NKTR: variants seen among roughly 807,000 people sequenced by gnomAD.
NKTR encodes natural killer cell triggering receptor.
Under a neutral mutation model 156.3 loss-of-function variants are expected in NKTR, and 67 were observed. The ratio of observed to expected loss-of-function variants is 0.43; its 90% CI spans 0.35 to 0.53. The LOEUF (loss-of-function observed/expected upper bound fraction) is 0.53, where lower values mean the gene tolerates loss of function less well. Ranked by LOEUF, NKTR falls within the 20% of genes least tolerant of loss-of-function variation. NKTR has a pLI of 0.01. For missense variants in NKTR, 1,604 were observed against 1,730.9 expected, an observed-to-expected ratio of 0.93 and a Z score of 1.30; for synonymous variants, 640 against 596.6, an observed-to-expected ratio of 1.07 and a Z score of -1.06.
At chr3:42,628,152 T>C (rs752907394) in intron 6 of NKTR, 8 of 984,848 alleles carry the variant, frequency 8.1e-6, no homozygotes, top group Non-Finnish European at 9.6e-6. Flanking sequence ...ATATGTAATC[T>C]AATCCAATTA....
intron 3 of NKTR, 25 bp downstream of exon 3, chr3:42,617,669 A>C: frequency 7.6e-7 from 1 of 1,310,512 alleles, no homozygotes. Context: ...ATTTCCAATG[A>C]GAAGCTGTGG....
At chr3:42,616,341 AT>A (rs1232945177) in intron 2 of NKTR, among the ~76,000 whole-genome samples, 2 of 152,228 alleles carry the variant, frequency 1.3e-5, no homozygotes, top group African/African-American at 2.4e-5. Flanking sequence ...TTCTTATTTT[AT>A]TGATACGCTT....
intron 2 of NKTR, among the ~76,000 whole-genome samples, chr3:42,615,426 C>T (rs1707262898): frequency 6.6e-6 from 1 of 151,268 alleles, no homozygotes; most frequent in Admixed American, 6.6e-5. Flanking sequence ...CTATCCCTCT[C>T]CGAATATTGG....
At chr3:42,633,877 A>T in intron 10 of NKTR, 142 bp downstream of exon 10, 1 of 869,900 alleles carries the variant, frequency 1.1e-6, no homozygotes, top group Non-Finnish European at 1.8e-6. Flanking sequence ...AGATTAATGA[A>T]TGATACGTAG....
At chr3:42,610,163 A>C (rs1436147401) in intron 2 of NKTR, among the ~76,000 whole-genome samples, 1 of 151,526 alleles carries the variant, frequency 6.6e-6, no homozygotes, top group East Asian at 1.9e-4. Context: ...GAGCCACCAC[A>C]CCCGCTAATT....
rs767216724 is a variant in NKTR, at chr3:42,632,843, G to A, written c.773+20G>A. 6.6e-7 allele frequency: 1 copy of A among 1,523,438 alleles called. No homozygotes were observed. The highest frequency in any genetic ancestry group is 8.8e-7 in the Non-Finnish European group (1 of 1,137,296). The allele number at this position is 1,523,438 out of a possible 1,614,324, so 94.4% of individuals were successfully genotyped here. A position where few individuals can be genotyped will look rare whatever the true frequency, so the allele number is the denominator to read the frequency against. On this transcript the variant is annotated intron_variant, in intron 9 of 16. Coordinates refer to ENST00000232978, the MANE Select transcript of NKTR (RefSeq NM_005385.4). ...AAAAGGGTACGTGTAAAACACCAATGTACTCTTACCTAAAAACAAACACTC... is the reference window on the plus strand; with the variant it reads ...AAAAGGGTACGTGTAAAACACCAATATACTCTTACCTAAAAACAAACACTC...
At chr3:42,601,838 T>C (rs190833726) in intron 2 of NKTR, 2 of 152,244 alleles carry the variant, frequency 1.3e-5, no homozygotes, top group Non-Finnish European at 2.9e-5. Flanking sequence ...CATATTCTTA[T>C]GAGAGCCTGC....
intron 2 of NKTR, among the ~76,000 whole-genome samples, chr3:42,613,245 C>G (rs555852943): frequency 2.6e-5 from 4 of 152,228 alleles, no homozygotes; most frequent in African/African-American, 7.2e-5. Flanking sequence ...CTTCTTGAAA[C>G]TTAGGCACTA....
intron 6 of NKTR, among the ~76,000 whole-genome samples, chr3:42,624,957 A>G (rs1392586716): frequency 1.3e-5 from 2 of 152,188 alleles, no homozygotes; most frequent in South Asian, 2.1e-4. Context: ...GGGATAGGAC[A>G]CTAATATAGC....
At chr3:42,643,274 A>C in intron 14 of NKTR, 65 bp from the exon 15 acceptor site, 1 of 1,248,158 alleles carries the variant, frequency 8.0e-7, no homozygotes, top group East Asian at 2.4e-5. Context: ...AAATGTCTAG[A>C]TATTTGGTAT....
At position 42,643,997 on chromosome 3, in the gene NKTR, G is replaced by A. The variant is rs767411541; in HGVS notation, c.4295G>A (p.Arg1432Gln). 16 of 1,611,834 alleles carry A rather than the reference G, an allele frequency of 9.9e-6. No homozygotes were observed. The highest frequency in any genetic ancestry group is 5.0e-5 in the Admixed American group (3 of 59,802). ...CACCGAGGCAGAAGTTATAATCGGC[G>A]GTCCAGGTGGGTCTCTCTCCTTTAT... ...SYHRGRSYNR[R>Q]SRSCRSYGSD... is the part of the protein sequence containing the mutation. Residue 1432 changes from arginine to glutamine, a missense_variant, in exon 16 of 17, where the codon CGG (arginine) becomes CAG (glutamine). By Grantham distance (43) the Arg-to-Gln change is conservative. This residue lies in a region of NKTR where 193 missense variants were observed against 220.2 expected (regional missense o/e 0.88). Transcript: ENST00000232978.
At chr3:42,633,015 T>C in intron 9 of NKTR, 192 bp downstream of exon 9, 1 of 1,276,000 alleles carries the variant, frequency 7.8e-7, no homozygotes. Flanking sequence ...TTTGTGTGTT[T>C]TCAGTTTTCG....
rs190496951 is a variant in NKTR, at chr3:42,639,034, C to T, written c.3330C>T (p.His1110=). ...TGGCCTGTTTACAAAACATTCAGCA[C>T]GTTGAAGAAAGTGTTCCCAATGGAG... The part of the protein sequence containing the change: ...ENVACLQNIQ[H]VEESVPNGVE... Residue 1110 remains histidine, a synonymous_variant, in exon 13 of 17, where the codon CAC becomes CAT. Coordinates refer to ENST00000232978, the MANE Select transcript of NKTR (RefSeq NM_005385.4). 765 of 1,613,738 alleles carry T rather than the reference C, an allele frequency of 4.7e-4. 6 individuals are homozygous for T. In the East Asian group the frequency reaches 0.016, roughly 34 times the overall value.
chr3:42,637,949 A>C lies in NKTR; in HGVS notation c.2245A>C (p.Ser749Arg). ...SRSSSYTSIS[S>R]DDGRRAKRRL... Reference sequence around the variant, plus strand: ...ATCATCTTCATATACTTCTATTAGCAGTGATGATGGAAGGCGAGCTAAGAG... The same window carrying C: ...ATCATCTTCATATACTTCTATTAGCCGTGATGATGGAAGGCGAGCTAAGAG... The change falls in exon 13 of 17, where the codon AGT (serine) becomes CGT (arginine). Residue 749 changes from serine to arginine, a missense_variant. Physicochemically the swap from Ser to Arg is moderately radical, Grantham distance 110. Around this residue, in one of 6 missense-constraint regions of NKTR, gnomAD observed 1,255 missense variants for 1,243.7 expected, o/e 1.01. Coordinates refer to ENST00000232978, the MANE Select transcript of NKTR (RefSeq NM_005385.4). 6.2e-7 allele frequency: 1 copy of C among 1,613,878 alleles called. No homozygotes were observed. Among genetic ancestry groups the C allele is most frequent in the Non-Finnish European group, 8.5e-7 (1 of 1,179,772 alleles).
rs200483948 is a variant in NKTR, at chr3:42,637,954, T to C, written c.2250T>C (p.Asp750=). ...RSSSYTSISS[D]DGRRAKRRLR... Reference sequence around the variant, plus strand: ...CTTCATATACTTCTATTAGCAGTGATGATGGAAGGCGAGCTAAGAGGAGAC... The same window carrying C: ...CTTCATATACTTCTATTAGCAGTGACGATGGAAGGCGAGCTAAGAGGAGAC... Residue 750 remains aspartate (D), a synonymous_variant, in exon 13 of 17, where the codon GAT becomes GAC. Coordinates refer to ENST00000232978, the MANE Select transcript of NKTR (RefSeq NM_005385.4). The C allele has an allele frequency of 3.8e-5, 61 of 1,613,956 alleles. No individual in the cohort carries two copies. Among genetic ancestry groups the C allele is most frequent in the Non-Finnish European group, 5.1e-5 (60 of 1,179,900 alleles).
At position 42,638,010 on chromosome 3, in the gene NKTR, C is replaced by G; in HGVS notation, c.2306C>G (p.Ser769Ter). Reference protein sequence around the residue: ...LRSSGKKNSVSHKKHSSSSEK... With the variant: ...LRSSGKKNSV ...TCCAGTGGGAAAAAAAATAGCGTTT[C>G]ACATAAAAAGCATAGCAGCAGCTCT... The change falls in exon 13 of 17, where the codon TCA (serine) becomes TGA (stop). Residue 769 changes from serine (S) to a stop codon, truncating the protein, a stop_gained. Transcript: ENST00000232978. LOFTEE classifies it high-confidence loss of function. 2 of 1,614,094 alleles carry G rather than the reference C, an allele frequency of 1.2e-6. No homozygotes were observed. The highest frequency in any genetic ancestry group is 8.5e-7 in the Non-Finnish European group (1 of 1,179,994).
rs1249396312 is a variant in NKTR at position 42,619,646 on chromosome 3, G to A, written c.242-18G>A. ...TTTTTAATGTTCATTATGGCTTAAAGTAGGTGATTATTTGCAGGTAATGGA... is the reference window on the plus strand; with the variant it reads ...TTTTTAATGTTCATTATGGCTTAAAATAGGTGATTATTTGCAGGTAATGGA... On this transcript the variant is annotated intron_variant, in intron 4 of 16. Coordinates refer to ENST00000232978, the MANE Select transcript of NKTR (RefSeq NM_005385.4). 6.2e-7 allele frequency: 1 copy of A among 1,605,610 alleles called. No homozygotes were observed. The highest frequency in any genetic ancestry group is 8.5e-7 in the Non-Finnish European group (1 of 1,173,702).
chr3:42,609,099 G>C (rs764222010), intron 2 of NKTR, among the ~76,000 whole-genome samples: 8 of 151,822 alleles, frequency 5.3e-5, no homozygotes, highest in Middle Eastern at 3.4e-3. Flanking sequence ...CTGCACTCCT[G>C]CCTGGGCAAT....
chr3:42,609,947 T>C (rs1487324703), intron 2 of NKTR, among the ~76,000 whole-genome samples: 1 of 152,220 alleles, frequency 6.6e-6, no homozygotes, highest in Admixed American at 6.5e-5. Flanking sequence ...GTGATAAATA[T>C]GCTCTTTTTT....
Sources: gnomAD v4.1 joint callset for allele counts (sites outside exome capture counted in the v4.1 genomes callset) on GRCh38, gnomAD v4.1.1 for gene constraint, gnomAD v4.1.1 regional missense constraint, MANE v1.5 for transcripts, NCBI Gene and HGNC (gene_info 2026-07-23, HGNC 2026-07-21) for gene names.